Variants in CADPS2 observed in about 807,000 individuals in gnomAD.
CADPS2 encodes the protein calcium-dependent secretion activator 2.
CADPS2 carries 93 observed loss-of-function variants against 172.5 expected under a neutral mutation model. The observed-to-expected ratio is 0.54, with a 90% CI of 0.46 to 0.64. The LOEUF (loss-of-function observed/expected upper bound fraction) is 0.64. CADPS2 is among the 30% of genes least tolerant of loss of function. The pLI is 0.00. For missense variants in CADPS2, 1,420 were observed against 1,565.9 expected, an observed-to-expected ratio of 0.91 and a Z score of 1.57; for synonymous variants, 546 against 555.2, an observed-to-expected ratio of 0.98 and a Z score of 0.23.
intron 1 of CADPS2, among the ~76,000 whole-genome samples, chr7:122,787,149 A>G (rs1794234434): frequency 1.3e-5 from 2 of 152,224 alleles, no homozygotes; most frequent in South Asian, 4.1e-4. Flanking sequence ...TGTGCATATC[A>G]GCTGAATGAT....
intron 25 of CADPS2, among the ~76,000 whole-genome samples, chr7:122,376,569 G>A (rs953772345): frequency 2.0e-5 from 3 of 152,140 alleles, no homozygotes; most frequent in African/African-American, 4.8e-5. Context: ...CTCAGGGACT[G>A]AGGGGAGGGA....
At chr7:122,417,212 A>G (rs2048027938) in intron 17 of CADPS2, among the ~76,000 whole-genome samples, 1 of 152,194 alleles carries the variant, frequency 6.6e-6, no homozygotes. Context: ...TGATGCAGTG[A>G]AACACTGCTT....
At chr7:122,670,802 T>C (rs114322349) in intron 2 of CADPS2, among the ~76,000 whole-genome samples, 1 of 150,508 alleles carries the variant, frequency 6.6e-6, no homozygotes, top group Non-Finnish European at 1.5e-5. Context: ...TGCCCAGCCA[T>C]GAGCCCAGGA....
intron 14 of CADPS2, among the ~76,000 whole-genome samples, chr7:122,467,795 T>C (rs1014333646): frequency 2.6e-5 from 4 of 152,312 alleles, no homozygotes; most frequent in East Asian, 3.9e-4. Context: ...ACCTAGAACT[T>C]TGCCCTATGA....
At chr7:122,662,165 A>G (rs1391423262) in intron 3 of CADPS2, among the ~76,000 whole-genome samples, 3 of 152,320 alleles carry the variant, frequency 2.0e-5, no homozygotes, top group African/African-American at 7.2e-5. Context: ...ACAAACATGT[A>G]TATTATAGAA....
intron 17 of CADPS2, among the ~76,000 whole-genome samples, chr7:122,419,855 T>G (rs2151797512): frequency 6.6e-6 from 1 of 152,318 alleles, no homozygotes; most frequent in Admixed American, 6.5e-5. Context: ...CTAGCACTAT[T>G]TGAATCTTTG....
At chr7:122,762,269 G>C (rs1319189490) in intron 1 of CADPS2, among the ~76,000 whole-genome samples, 1 of 152,014 alleles carries the variant, frequency 6.6e-6, no homozygotes, top group Non-Finnish European at 1.5e-5. Context: ...CTGGGCGGCA[G>C]TCCAACAGCA....
chr7:122,681,492 G>A (rs955977655), intron 2 of CADPS2: 13 of 1,484,552 alleles, frequency 8.8e-6, no homozygotes, highest in South Asian at 3.4e-5. Context: ...AAGCGTCTTC[G>A]ATGCCTATGT....
At chr7:122,514,433 TA>T in intron 8 of CADPS2, among the ~76,000 whole-genome samples, 1 of 152,254 alleles carries the variant, frequency 6.6e-6, no homozygotes, top group East Asian at 1.9e-4. Context: ...ATTTCTGTCT[TA>T]TTAAAATAAT....
intron 3 of CADPS2, among the ~76,000 whole-genome samples, chr7:122,662,237 A>C (rs1271167895): frequency 6.6e-6 from 1 of 152,232 alleles, no homozygotes; most frequent in East Asian, 1.9e-4. Context: ...TTTAAGTTTT[A>C]TATTAGGGCA....
At chr7:122,774,946 T>G (rs1313181300) in intron 1 of CADPS2, among the ~76,000 whole-genome samples, 4 of 152,156 alleles carry the variant, frequency 2.6e-5, no homozygotes, top group African/African-American at 4.8e-5. Flanking sequence ...ATGGCCAAAT[T>G]TCCTAAAATT....
Position 122,804,598 on chromosome 7 carries a change from C to T in CADPS2, c.340-67530G>A, listed in dbSNP as rs1223345854. 1.1e-4 allele frequency among the ~76,000 whole-genome samples: 16 copies of T among 152,044 alleles called. 1 individual carries two copies. The South Asian group carries it at 2.1e-3, about 20-fold the overall frequency. On this transcript the variant is annotated intron_variant, in intron 1 of 29. Transcript: ENST00000449022. ...GAGTGTGTAGTGTAAGAAAAAGATG[C>T]GAAATTTAAGCCTTTCTTAAACTGC...
chr7:122,814,812 T>C (rs530117545), intron 1 of CADPS2, among the ~76,000 whole-genome samples: 11 of 152,282 alleles, frequency 7.2e-5, no homozygotes, highest in South Asian at 6.2e-4. Context: ...CGCTATTTTA[T>C]TGAGAAGAAT....
At chr7:122,771,722 C>G (rs2093708952) in intron 1 of CADPS2, among the ~76,000 whole-genome samples, 2 of 152,142 alleles carry the variant, frequency 1.3e-5, no homozygotes, top group Admixed American at 6.5e-5. Flanking sequence ...ACGAAGAAAA[C>G]AAGGCAGTGG....
At chr7:122,544,505 G>A (rs76366328) in intron 8 of CADPS2, among the ~76,000 whole-genome samples, 30,521 of 152,020 alleles carry the variant, frequency 0.2, 4,049 homozygotes, top group Non-Finnish European at 0.3. Context: ...AGCTGGGCAG[G>A]CCATGACCAA....
intron 22 of CADPS2, among the ~76,000 whole-genome samples, chr7:122,391,927 A>G (rs1222339240): frequency 6.6e-6 from 1 of 152,064 alleles, no homozygotes; most frequent in Non-Finnish European, 1.5e-5. Context: ...TGCCTCTGTC[A>G]CTTATTTGCT....
At chr7:122,817,357 C>T (rs1801774437) in intron 1 of CADPS2, among the ~76,000 whole-genome samples, 1 of 152,152 alleles carries the variant, frequency 6.6e-6, no homozygotes, top group Non-Finnish European at 1.5e-5. Flanking sequence ...CTTCTCCAAC[C>T]TCTCTCATCA....
intron 7 of CADPS2, among the ~76,000 whole-genome samples, chr7:122,576,079 C>T (rs1274340542): frequency 6.6e-6 from 1 of 152,166 alleles, no homozygotes; most frequent in Non-Finnish European, 1.5e-5. Flanking sequence ...TATTGCATTT[C>T]GTTGTCATGT....
chr7:122,750,411 G>T (rs905462025), intron 1 of CADPS2, among the ~76,000 whole-genome samples: 4 of 152,132 alleles, frequency 2.6e-5, no homozygotes, highest in African/African-American at 9.6e-5. Context: ...ATTTGCATTC[G>T]TATTGTGTCT....
Sources: gnomAD v4.1 joint callset for allele counts (sites outside exome capture counted in the v4.1 genomes callset) on GRCh38, gnomAD v4.1.1 for gene constraint, MANE v1.5 for transcripts, NCBI Gene and HGNC (gene_info 2026-07-23, HGNC 2026-07-21) for gene names.